Variants in CRTC3 observed in about 807,000 individuals in gnomAD.
CRTC3 encodes CREB-regulated transcription coactivator 3.
A neutral mutation model predicts 74.5 loss-of-function variants in CRTC3; 26 were observed. The observed-to-expected ratio is 0.35, with a 90% CI of 0.26 to 0.48. The LOEUF (loss-of-function observed/expected upper bound fraction) is 0.48. Among genes scored for constraint, CRTC3 ranks in the 20% least tolerant of loss-of-function variants. The probability of loss-of-function intolerance (pLI) is 0.99; values close to 1 mark genes in which losing one functional copy is unlikely to be tolerated. For synonymous variants in CRTC3, 377 were observed against 325.8 expected (o/e 1.16, Z -1.69); for missense variants, 760 against 787.3 (o/e 0.97, Z 0.41).
chr15:90,612,410 C>G (rs1968384975), intron 6 of CRTC3, among the ~76,000 whole-genome samples: 2 of 152,002 alleles, frequency 1.3e-5, no homozygotes, highest in African/African-American at 2.4e-5. Flanking sequence ...GTGCCACCTA[C>G]TCCATGAAGC....
chr15:90,542,131 C>T (rs1365046281), intron 2 of CRTC3, among the ~76,000 whole-genome samples: 3 of 150,738 alleles, frequency 2.0e-5, no homozygotes, highest in Non-Finnish European at 3.0e-5. Context: ...TTTTGTTTTT[C>T]TTTGCAACAG....
chr15:90,583,971 G>A (rs1967601334), intron 2 of CRTC3, among the ~76,000 whole-genome samples: 1 of 152,000 alleles, frequency 6.6e-6, no homozygotes, highest in Admixed American at 6.5e-5. Flanking sequence ...TGAATTAATA[G>A]CAGCCCCTTT....
At chr15:90,615,062 A>AT (rs1322100941) in intron 7 of CRTC3, among the ~76,000 whole-genome samples, 2 of 151,284 alleles carry the variant, frequency 1.3e-5, no homozygotes, top group African/African-American at 4.9e-5. Flanking sequence ...GACTCCGTCT[A>AT]AAAATAAATA....
intron 11 of CRTC3, among the ~76,000 whole-genome samples, chr15:90,632,988 TTTAA>T (rs1407021694): frequency 3.3e-5 from 5 of 152,288 alleles, no homozygotes; most frequent in East Asian, 1.9e-4. Flanking sequence ...AAGATTAGAA[TTTAA>T]TTCTCTTTCC....
chr15:90,552,737 G>A (rs1966863116), intron 2 of CRTC3, among the ~76,000 whole-genome samples: 1 of 152,168 alleles, frequency 6.6e-6, no homozygotes, highest in Admixed American at 6.5e-5. Flanking sequence ...GCTAAGGGGA[G>A]GCATGAGGCC....
chr15:90,558,534 GT>G (rs1189500579), intron 2 of CRTC3, among the ~76,000 whole-genome samples: 1 of 151,994 alleles, frequency 6.6e-6, no homozygotes, highest in Non-Finnish European at 1.5e-5. Flanking sequence ...CTTTTTCTCT[GT>G]TCCTTGAACC....
chr15:90,597,358 G>C (rs5003701), intron 3 of CRTC3, among the ~76,000 whole-genome samples: 1 of 151,930 alleles, frequency 6.6e-6, no homozygotes, highest in African/African-American at 2.4e-5. Flanking sequence ...TGGATGACAC[G>C]CTCAGAAGGA....
intron 10 of CRTC3, 24 bp from the exon 11 acceptor site, chr15:90,629,210 A>G (rs1237511128): frequency 1.3e-6 from 2 of 1,595,000 alleles, no homozygotes; most frequent in South Asian, 1.1e-5. Flanking sequence ...ATTATAAGTA[A>G]CTTGTGAATT....
chr15:90,540,399 A>G lies in CRTC3; in HGVS notation c.231+262A>G, dbSNP rs931591826. Among the ~76,000 whole-genome samples, 8 of 152,234 alleles carry G rather than the reference A, an allele frequency of 5.3e-5. 1 individual carries two copies. The highest frequency in any genetic ancestry group is 1.2e-4 in the Non-Finnish European group (8 of 68,046). On this transcript the variant is annotated intron_variant, in intron 2 of 14. Transcript: ENST00000268184. ...AAATGTTCTAGTAGCTACATTAAAG[A>G]AGAAGAAACACGTGGGGTTAATTTT...
At chr15:90,639,502 T>C (rs1049095621) in intron 13 of CRTC3, among the ~76,000 whole-genome samples, 1 of 146,422 alleles carries the variant, frequency 6.8e-6, no homozygotes, top group Non-Finnish European at 1.5e-5. Context: ...TAGGCTGGAG[T>C]GCAGTGGCGT....
At chr15:90,627,505 C>A (rs908945475) in intron 10 of CRTC3, among the ~76,000 whole-genome samples, 13 of 152,164 alleles carry the variant, frequency 8.5e-5, no homozygotes, top group African/African-American at 3.1e-4. Flanking sequence ...TTTTCCAGTA[C>A]AGCCTTTGAC....
At chr15:90,620,967 C>G (rs954918604) in intron 9 of CRTC3, among the ~76,000 whole-genome samples, 2 of 152,100 alleles carry the variant, frequency 1.3e-5, no homozygotes, top group Non-Finnish European at 2.9e-5. Flanking sequence ...TAAACGTAAA[C>G]TCAGGTGATT....
rs895221328 is a variant in CRTC3 at position 90,643,884 on chromosome 15, A to G, written c.*1744A>G. ...CTGGACTGTTCCACCCAGAGGAGCA[A>G]GGCTGTACAATGAGGGTCTGAATCT... is the stretch of plus-strand genomic sequence containing the variant. On this transcript the variant is annotated 3_prime_UTR_variant, in exon 15 of 15. Transcript: ENST00000268184. 6.9e-5 allele frequency: 16 copies of G among 232,416 alleles called. No individual in the cohort carries two copies. The highest frequency in any genetic ancestry group is 3.3e-4 in the African/African-American group (15 of 45,266). The allele number at this position is 232,416 out of a possible 1,614,324, so 14.4% of individuals were successfully genotyped here.
Position 90,629,344 on chromosome 15 carries a change from C to G in CRTC3, c.1078C>G (p.Leu360Val), listed in dbSNP as rs772444832. 5.6e-6 allele frequency: 9 copies of G among 1,614,146 alleles called. No individual in the cohort carries two copies. The South Asian group carries it at 7.7e-5, about 14-fold the overall frequency. The change falls in exon 11 of 15, where the codon CTT becomes GTT. Residue 360 changes from leucine to valine, a missense_variant. By Grantham distance (32) the Leu-to-Val change is conservative. This residue lies in a region of CRTC3 where 652 missense variants were observed against 635.2 expected (regional missense o/e 1.03). Coordinates refer to ENST00000268184, the MANE Select transcript of CRTC3 (RefSeq NM_022769.5). Reference protein sequence around the residue: ...PQTSVPNASALHPSLRLFSLS... With the variant: ...PQTSVPNASAVHPSLRLFSLS... Reference sequence around the variant, plus strand: ...GACATCTGTTCCCAACGCATCTGCTCTTCACCCTTCGCTCCGTCTGTTTTC... The same window carrying G: ...GACATCTGTTCCCAACGCATCTGCTGTTCACCCTTCGCTCCGTCTGTTTTC...
At chr15:90,623,405 C>A in intron 9 of CRTC3, among the ~76,000 whole-genome samples, 1 of 152,248 alleles carries the variant, frequency 6.6e-6, no homozygotes, top group South Asian at 2.1e-4. Context: ...AAATAGAATT[C>A]GTGATCTCAT....
chr15:90,539,726 T>A (rs1403335607), intron 1 of CRTC3: 1 of 306,176 alleles, frequency 3.3e-6, no homozygotes, highest in Non-Finnish European at 6.1e-6. Context: ...AGCTTAGTTT[T>A]TCTTTCAGAA....
At chr15:90,603,453 G>T (rs913716867) in intron 4 of CRTC3, among the ~76,000 whole-genome samples, 28 of 151,742 alleles carry the variant, frequency 1.8e-4, no homozygotes, top group African/African-American at 6.8e-4. Context: ...AAAAAAAAAA[G>T]AAAGAAAAAT....
At chr15:90,556,957 G>GAT (rs1966901398) in intron 2 of CRTC3, among the ~76,000 whole-genome samples, 4 of 89,672 alleles carry the variant, frequency 4.5e-5, no homozygotes, top group African/African-American at 2.1e-4. Flanking sequence ...TCACCACATG[G>GAT]CTATATATAT....
At chr15:90,540,687 C>T (rs550547218) in intron 2 of CRTC3, among the ~76,000 whole-genome samples, 41 of 152,136 alleles carry the variant, frequency 2.7e-4, no homozygotes, top group Non-Finnish European at 4.7e-4. Flanking sequence ...GCATGAGAAT[C>T]GCTTGAACCC....
Sources: allele counts gnomAD v4.1 joint callset (sites outside exome capture counted in the v4.1 genomes callset), GRCh38; gene constraint gnomAD v4.1.1; regional missense constraint gnomAD v4.1.1; transcripts MANE v1.5; gene names NCBI Gene and HGNC (gene_info 2026-07-23, HGNC 2026-07-21).